The following FOXN3 variants were observed in gnomAD, a reference collection of about 807,000 sequenced individuals.
The protein encoded by FOXN3 is forkhead box protein N3.
FOXN3 carries 7 observed loss-of-function variants against 38.4 expected under a neutral mutation model. The ratio of observed to expected loss-of-function variants is 0.18; its 90% CI spans 0.10 to 0.34. The LOEUF (loss-of-function observed/expected upper bound fraction) is 0.34, where lower values mean the gene tolerates loss of function less well. FOXN3 is among the 10% of genes least tolerant of loss of function. The pLI is 1.00. For missense variants in FOXN3, 456 were observed against 613.4 expected, an observed-to-expected ratio of 0.74 and a Z score of 2.71; for synonymous variants, 230 against 242.2, an observed-to-expected ratio of 0.95 and a Z score of 0.47.
At chr14:89,372,661 A>G (rs1890355372) in intron 2 of FOXN3, among the ~76,000 whole-genome samples, 1 of 152,158 alleles carries the variant, frequency 6.6e-6, no homozygotes, top group South Asian at 2.1e-4. Flanking sequence ...GGTAACCCAC[A>G]GGAAATTAAA....
At chr14:89,377,888 G>C (rs12435467) in intron 2 of FOXN3, among the ~76,000 whole-genome samples, 4 of 152,144 alleles carry the variant, frequency 2.6e-5, no homozygotes, top group Non-Finnish European at 4.4e-5. Flanking sequence ...ACTATGACTG[G>C]TGTCCTTCTA....
chr14:89,532,135 T>C (rs1249570697), intron 1 of FOXN3, among the ~76,000 whole-genome samples: 1 of 152,160 alleles, frequency 6.6e-6, no homozygotes, highest in Non-Finnish European at 1.5e-5. Context: ...TCCAGGTGAT[T>C]CTGATGCACA....
intron 1 of FOXN3, among the ~76,000 whole-genome samples, chr14:89,431,241 G>A (rs571392637): frequency 1.3e-5 from 2 of 152,072 alleles, no homozygotes; most frequent in South Asian, 4.1e-4. Flanking sequence ...CTCTCTCCCA[G>A]GCTGGATGGA....
At chr14:89,480,013 T>C (rs1893289492) in intron 1 of FOXN3, among the ~76,000 whole-genome samples, 2 of 152,212 alleles carry the variant, frequency 1.3e-5, no homozygotes, top group African/African-American at 4.8e-5. Context: ...TGAGATTAAT[T>C]GCCCAATTTT....
intron 1 of FOXN3, among the ~76,000 whole-genome samples, chr14:89,500,865 T>C (rs760365661): frequency 1.1e-4 from 16 of 152,226 alleles, no homozygotes; most frequent in South Asian, 6.2e-4. Context: ...ATTCCACAGA[T>C]GCTCAGGCAG....
At chr14:89,329,780 C>T (rs1409677666) in intron 3 of FOXN3, among the ~76,000 whole-genome samples, 4 of 143,782 alleles carry the variant, frequency 2.8e-5, no homozygotes, top group African/African-American at 5.2e-5. Flanking sequence ...GCTGTGAACC[C>T]GGGAGGCGGA....
At chr14:89,242,632 C>T (rs967325612) in intron 4 of FOXN3, among the ~76,000 whole-genome samples, 3 of 152,080 alleles carry the variant, frequency 2.0e-5, no homozygotes, top group African/African-American at 7.2e-5. Flanking sequence ...ATAATCATCA[C>T]GGGATATGCA....
intron 3 of FOXN3, among the ~76,000 whole-genome samples, chr14:89,334,884 A>G (rs966486845): frequency 6.6e-6 from 1 of 151,882 alleles, no homozygotes; most frequent in Non-Finnish European, 1.5e-5. Flanking sequence ...TCCCTGCCTC[A>G]GCCGCCCCAG....
At chr14:89,345,274 G>T (rs149839706) in intron 3 of FOXN3, among the ~76,000 whole-genome samples, 2 of 151,758 alleles carry the variant, frequency 1.3e-5, no homozygotes, top group African/African-American at 4.9e-5. Context: ...TCTCAGTGCT[G>T]CAGTGATTTT....
intron 3 of FOXN3, among the ~76,000 whole-genome samples, chr14:89,319,436 G>C (rs1887837490): frequency 6.6e-6 from 1 of 152,134 alleles, no homozygotes; most frequent in Non-Finnish European, 1.5e-5. Flanking sequence ...CACATGAAGT[G>C]CTGTTTGCAA....
At chr14:89,313,656 G>C (rs574214837) in intron 3 of FOXN3, among the ~76,000 whole-genome samples, 34 of 147,372 alleles carry the variant, frequency 2.3e-4, no homozygotes, top group South Asian at 4.2e-4. Context: ...AAGTTTGTGT[G>C]GGTAAAGTCA....
chr14:89,543,312 C>T (rs1967854), intron 1 of FOXN3, among the ~76,000 whole-genome samples: 31,328 of 152,064 alleles, frequency 0.21, 4,004 homozygotes, highest in African/African-American at 0.35. Flanking sequence ...AATGAGCTTC[C>T]TTAGGGGCCA....
At chr14:89,420,325 C>G (rs1267513020), upstream of FOXN3, among the ~76,000 whole-genome samples, 1 of 152,178 alleles carries the variant, frequency 6.6e-6, no homozygotes, top group Non-Finnish European at 1.5e-5. Context: ...CTACTGCTAA[C>G]AGCTGAGACA....
intron 3 of FOXN3, among the ~76,000 whole-genome samples, chr14:89,297,474 G>A (rs1887077777): frequency 6.6e-6 from 1 of 151,502 alleles, no homozygotes; most frequent in Non-Finnish European, 1.5e-5. Flanking sequence ...GCGAGAGAAT[G>A]GCGTGAAACT....
intron 4 of FOXN3, among the ~76,000 whole-genome samples, chr14:89,197,597 G>C (rs559634244): frequency 6.6e-6 from 1 of 152,166 alleles, no homozygotes; most frequent in Non-Finnish European, 1.5e-5. Context: ...CAGAGTGCTG[G>C]ATAGTTAGTG....
At chr14:89,616,521 A>ACCCCC (rs1161046760) in intron 1 of FOXN3, among the ~76,000 whole-genome samples, 13 of 137,942 alleles carry the variant, frequency 9.4e-5, no homozygotes, top group Non-Finnish European at 1.2e-4. Context: ...TCACTCCCCA[A>ACCCCC]CCCCACCCCC....
chr14:89,372,908 A>C (rs558567218), intron 2 of FOXN3, among the ~76,000 whole-genome samples: 79 of 152,318 alleles, frequency 5.2e-4, no homozygotes, highest in Non-Finnish European at 9.3e-4. Context: ...AGTGGCTCAC[A>C]CCTGTAATTC....
At chr14:89,278,323 G>T (rs907939088) in intron 4 of FOXN3, among the ~76,000 whole-genome samples, 1 of 151,968 alleles carries the variant, frequency 6.6e-6, no homozygotes, top group African/African-American at 2.4e-5. Context: ...GTGGGAAACC[G>T]CCCCATGATT....
At chr14:89,528,621 C>A (rs1431391969) in intron 1 of FOXN3, among the ~76,000 whole-genome samples, 1 of 151,694 alleles carries the variant, frequency 6.6e-6, no homozygotes, top group African/African-American at 2.4e-5. Flanking sequence ...GTCTTGAACT[C>A]CTGACCTCAG....
Sources: gnomAD v4.1 joint callset for allele counts (sites outside exome capture counted in the v4.1 genomes callset) on GRCh38, gnomAD v4.1.1 for gene constraint, MANE v1.5 for transcripts, NCBI Gene and HGNC (gene_info 2026-07-23, HGNC 2026-07-21) for gene names.